LRRC49: variants seen among roughly 807,000 people sequenced by gnomAD.
LRRC49 encodes the protein leucine rich repeat containing 49, also known as leucine-rich repeat-containing protein 49.
A neutral mutation model predicts 83.3 loss-of-function variants in LRRC49; 50 were observed. The ratio of observed to expected loss-of-function variants is 0.60; its 90% CI spans 0.48 to 0.76. The LOEUF (loss-of-function observed/expected upper bound fraction) is 0.76, where lower values mean the gene tolerates loss of function less well. Among genes scored for constraint, LRRC49 ranks in the 30% least tolerant of loss-of-function variants. The pLI is 0.00. For missense variants in LRRC49, 704 were observed against 809.1 expected (o/e 0.87, Z 1.58); for synonymous variants, 286 against 283.3 (o/e 1.01, Z -0.10).
chr15:70,978,346 T>C (rs911604218), intron 9 of LRRC49, among the ~76,000 whole-genome samples: 3 of 152,188 alleles, frequency 2.0e-5, no homozygotes, highest in Non-Finnish European at 4.4e-5. Flanking sequence ...TTGCAGGTGC[T>C]GTAGCAAGGT....
At chr15:70,907,927 C>G (rs62019094) in intron 5 of LRRC49, 14,870 of 455,912 alleles carry the variant, frequency 0.033, 337 homozygotes, top group African/African-American at 0.083. Context: ...AATACCTAAT[C>G]TGACCAGTAG....
At position 70,860,120 on chromosome 15, in the gene LRRC49, T is replaced by C. The variant is rs530652705; in HGVS notation, c.-299+6651T>C. 42 of 704,656 alleles carry C rather than the reference T, an allele frequency of 6.0e-5. No homozygotes were observed. The African/African-American group carries it at 7.2e-4, about 12-fold the overall frequency. The allele number at this position is 704,656 out of a possible 1,614,324, so 43.7% of individuals were successfully genotyped here. A position where few individuals can be genotyped will look rare whatever the true frequency, so the allele number is the denominator to read the frequency against. On this transcript the variant is annotated intron_variant, in intron 1 of 16. Transcript: ENST00000544974. ...GGTTGAAGAAGATTGAGACCCGTGA[T>C]GGGAAGCTGGTGTCCAAGTCCTCTG...
intron 10 of LRRC49, among the ~76,000 whole-genome samples, chr15:70,983,861 A>G (rs1050907618): frequency 1.3e-5 from 2 of 152,086 alleles, no homozygotes; most frequent in Non-Finnish European, 2.9e-5. Context: ...CTAAAGAGCA[A>G]TAATTGTTTG....
upstream of LRRC49, chr15:70,891,940 C>G (rs761596117): frequency 3.1e-6 from 5 of 1,613,534 alleles, no homozygotes; most frequent in Non-Finnish European, 4.2e-6. Context: ...GCTCTCCTCG[C>G]GTGTCCAGGC....
chr15:70,962,985 A>T (rs1339440082), intron 8 of LRRC49, among the ~76,000 whole-genome samples: 1 of 152,044 alleles, frequency 6.6e-6, no homozygotes, highest in East Asian at 1.9e-4. Context: ...AATATATACC[A>T]CCTGGGCATA....
Position 71,049,445 on chromosome 15 carries a change from A to G in LRRC49, c.1894A>G (p.Ile632Val), listed in dbSNP as rs142229889. ...AAAGAAGAAATTCTGTAAAACATAT[A>G]TAGAAGACCTTGTGAAGGAAGCCAC... is the stretch of plus-strand genomic sequence containing the variant. The part of the protein sequence containing the change: ...KEKKKFCKTY[I>V]EDLVKEATEI... The change falls in exon 16 of 16, where the codon ATA becomes GTA. Residue 632 changes from isoleucine (I) to valine (V), a missense_variant. This residue lies in a region of LRRC49 where 275 missense variants were observed against 338.0 expected (regional missense o/e 0.81). Coordinates refer to ENST00000260382, the MANE Select transcript of LRRC49 (RefSeq NM_017691.5). 1.2e-4 allele frequency: 193 copies of G among 1,612,096 alleles called. No homozygotes were observed. The African/African-American group carries it at 1.5e-3, about 13-fold the overall frequency.
At chr15:71,010,621 T>C (rs1237837918) in intron 13 of LRRC49, among the ~76,000 whole-genome samples, 2 of 152,034 alleles carry the variant, frequency 1.3e-5, no homozygotes, top group Non-Finnish European at 2.9e-5. Context: ...CTACATTGGG[T>C]AACTCAGGTC....
intron 15 of LRRC49, among the ~76,000 whole-genome samples, chr15:71,044,354 G>A (rs1027678883): frequency 2.6e-5 from 4 of 152,204 alleles, no homozygotes; most frequent in Admixed American, 2.0e-4. Flanking sequence ...TGTGAATGGT[G>A]ATTGATTGCT....
intron 4 of LRRC49, 71 bp from the exon 5 acceptor site, chr15:70,904,481 A>T: frequency 9.8e-7 from 1 of 1,017,754 alleles, no homozygotes; most frequent in Non-Finnish European, 1.5e-6. Context: ...CAAAGATACT[A>T]CTAATAATAT....
intron 10 of LRRC49, among the ~76,000 whole-genome samples, 156 bp from the exon 11 acceptor site, chr15:70,983,938 T>A (rs1297028765): frequency 6.6e-6 from 1 of 152,124 alleles, no homozygotes; most frequent in Non-Finnish European, 1.5e-5. Flanking sequence ...TACAGGCCTC[T>A]TGAATCTTGT....
intron 4 of LRRC49, among the ~76,000 whole-genome samples, chr15:70,902,130 C>G (rs1389474906): frequency 6.6e-6 from 1 of 152,134 alleles, no homozygotes; most frequent in Non-Finnish European, 1.5e-5. Flanking sequence ...TATGAGAATG[C>G]TGTCTAATAT....
chr15:70,887,674 T>C (rs2033446583), upstream of LRRC49, among the ~76,000 whole-genome samples: 1 of 152,172 alleles, frequency 6.6e-6, no homozygotes, highest in Admixed American at 6.5e-5. Context: ...GCTTTCCCTC[T>C]GAAATTAGGA....
Position 71,002,939 on chromosome 15 carries a change from C to CTTTTTT in LRRC49, c.1170-5419_1170-5414dup, listed in dbSNP as rs35998597. Among the ~76,000 whole-genome samples the CTTTTTT allele has an allele frequency of 3.5e-4, 15 of 43,036 alleles. 4 individuals carry two copies. The highest frequency in any genetic ancestry group is 8.8e-4 in the East Asian group (1 of 1,136). 28.2% of individuals were successfully genotyped at this position (43,036 alleles called of 152,430 possible). A position where few individuals can be genotyped will look rare whatever the true frequency, so the allele number is the denominator to read the frequency against. On this transcript the variant is annotated intron_variant, in intron 11 of 15. Transcript: ENST00000260382. ...GAAAAGGCATAGGATATTTTCTGGC[C>CTTTTTT]TTTTTTTTTTTTTTTTTTTTTTTTT...
At position 71,049,366 on chromosome 15, in the gene LRRC49, A is replaced by G. The variant is rs145660589; in HGVS notation, c.1858-43A>G. ...AGCTAATTGTTGCTTTGACTTTTGG[A>G]TTAGTTATGATTTAATACAAAACTT... On this transcript the variant is annotated intron_variant, in intron 15 of 15. Coordinates refer to ENST00000260382, the MANE Select transcript of LRRC49 (RefSeq NM_017691.5). 4.3e-4 allele frequency: 558 copies of G among 1,286,488 alleles called. 3 individuals are homozygous for G. The highest frequency in any genetic ancestry group is 2.9e-3 in the East Asian group (126 of 42,742). The allele number at this position is 1,286,488 out of a possible 1,614,324, so 79.7% of individuals were successfully genotyped here. A position where few individuals can be genotyped will look rare whatever the true frequency, so the allele number is the denominator to read the frequency against.
chr15:70,990,034 T>G (rs1350433037), intron 11 of LRRC49, among the ~76,000 whole-genome samples: 1 of 152,186 alleles, frequency 6.6e-6, no homozygotes, highest in Non-Finnish European at 1.5e-5. Flanking sequence ...GGTGTCATTC[T>G]GCCCCTACTG....
At chr15:71,049,152 A>G (rs1383201167) in intron 15 of LRRC49, among the ~76,000 whole-genome samples, 2 of 152,164 alleles carry the variant, frequency 1.3e-5, no homozygotes, top group African/African-American at 2.4e-5. Flanking sequence ...CAATTCCAGT[A>G]AAGAAACACA....
intron 11 of LRRC49, among the ~76,000 whole-genome samples, chr15:71,001,693 T>C (rs999258701): frequency 2.0e-5 from 3 of 151,590 alleles, no homozygotes; most frequent in Non-Finnish European, 4.4e-5. Flanking sequence ...GTCTATCTGC[T>C]ATTTTTTTTT....
intron 8 of LRRC49, among the ~76,000 whole-genome samples, chr15:70,943,806 T>G (rs894296244): frequency 1.5e-4 from 23 of 152,202 alleles, no homozygotes; most frequent in African/African-American, 5.5e-4. Flanking sequence ...GGTTTTTTTC[T>G]ATCTATTGGG....
chr15:71,010,074 A>G lies in LRRC49; in HGVS notation c.1593+82A>G, dbSNP rs191673884. 7.8e-5 allele frequency: 65 copies of G among 832,158 alleles called. 1 individual carries two copies. The African/African-American group carries it at 1.0e-3, about 13-fold the overall frequency. The allele number at this position is 832,158 out of a possible 1,614,324, so 51.5% of individuals were successfully genotyped here. On this transcript the variant is annotated intron_variant, in intron 13 of 15. Transcript: ENST00000260382. The stretch of plus-strand genomic sequence containing the variant: ...GTTACTTTAAATGTTTAGGAATTTA[A>G]GTAACCATGATAGAACATTTGAGAT...
Sources: allele counts gnomAD v4.1 joint callset (sites outside exome capture counted in the v4.1 genomes callset), GRCh38; gene constraint gnomAD v4.1.1; regional missense constraint gnomAD v4.1.1; transcripts MANE v1.5; gene names NCBI Gene and HGNC (gene_info 2026-07-23, HGNC 2026-07-21).